Variants in DPP6 observed in about 807,000 individuals in gnomAD.
DPP6 encodes the protein A-type potassium channel modulatory protein DPP6.
DPP6 carries 69 observed loss-of-function variants against 122.6 expected under a neutral mutation model. The observed-to-expected ratio is 0.56, with a 90% CI of 0.46 to 0.69. The LOEUF (loss-of-function observed/expected upper bound fraction) is 0.69. Ranked by LOEUF, DPP6 falls within the 30% of genes least tolerant of loss-of-function variation. The probability of loss-of-function intolerance (pLI) is 0.00; values close to 1 mark genes in which losing one functional copy is unlikely to be tolerated. For missense variants in DPP6, 928 were observed against 1,116.9 expected (o/e 0.83, Z 2.41); for synonymous variants, 418 against 433.1 (o/e 0.97, Z 0.43).
rs575450434 is a variant in DPP6 at position 154,260,347 on chromosome 7, A to G, written c.244-185867A>G. Among the ~76,000 whole-genome samples the G allele has an allele frequency of 3.9e-5, 6 of 152,298 alleles. No individual in the cohort carries two copies. The East Asian group carries it at 1.2e-3, about 29-fold the overall frequency. ...GGAACAGGTAGTGGTTGGTTACACA[A>G]GTAAGTTCTTTAGTGGTTATTCGTG... On this transcript the variant is annotated intron_variant, in intron 1 of 25. Transcript: ENST00000377770.
chr7:153,954,620 G>A (rs7810288), intron 1 of DPP6, among the ~76,000 whole-genome samples: 51,245 of 152,008 alleles, frequency 0.34, 9,131 homozygotes, highest in East Asian at 0.6. Flanking sequence ...ATTTACATCA[G>A]TGAACTTCAA....
chr7:154,355,439 A>G (rs1811197252), intron 1 of DPP6, among the ~76,000 whole-genome samples: 1 of 152,196 alleles, frequency 6.6e-6, no homozygotes, highest in African/African-American at 2.4e-5. Context: ...TGAAATATCT[A>G]GTGTTATTCA....
intron 8 of DPP6, among the ~76,000 whole-genome samples, chr7:154,746,032 T>G (rs1843022147): frequency 1.3e-5 from 2 of 152,162 alleles, no homozygotes; most frequent in African/African-American, 4.8e-5. Flanking sequence ...GTTATGAATA[T>G]TGTTGGTCCT....
chr7:154,220,321 T>C (rs141193965), intron 1 of DPP6, among the ~76,000 whole-genome samples: 1 of 152,102 alleles, frequency 6.6e-6, no homozygotes, highest in Non-Finnish European at 1.5e-5. Flanking sequence ...CTAATGAACA[T>C]AGGAACATAA....
At chr7:154,061,766 CCCCATCGCAGGGAGGGAGGCA>C (rs1801961145) in intron 1 of DPP6, among the ~76,000 whole-genome samples, 1 of 107,670 alleles carries the variant, frequency 9.3e-6, no homozygotes, top group African/African-American at 3.6e-5. Flanking sequence ...CTCTTTGCAC[CCCCATCGCAGGGAGGGAGGCA>C]CCCCTCGCGA....
chr7:154,675,919 A>G (rs1302440211), intron 7 of DPP6, among the ~76,000 whole-genome samples: 1 of 152,204 alleles, frequency 6.6e-6, no homozygotes, highest in African/African-American at 2.4e-5. Context: ...TAACAAAGTG[A>G]TGCCCCTGAA....
chr7:153,905,046 A>G (rs1354705123), intron 1 of DPP6, among the ~76,000 whole-genome samples: 1 of 152,252 alleles, frequency 6.6e-6, no homozygotes, highest in Non-Finnish European at 1.5e-5. Flanking sequence ...AAGCCCAGTA[A>G]GATCTGCCCA....
intron 6 of DPP6, among the ~76,000 whole-genome samples, chr7:154,645,516 C>G (rs1836407564): frequency 6.6e-6 from 1 of 152,106 alleles, no homozygotes; most frequent in Non-Finnish European, 1.5e-5. Context: ...TTCTAGTAAC[C>G]ATCACCAAAA....
intron 1 of DPP6, among the ~76,000 whole-genome samples, chr7:154,113,394 C>CATATATATATATATATAT (rs143477890): frequency 6.1e-4 from 84 of 137,442 alleles, no homozygotes; most frequent in Middle Eastern, 3.8e-3. Context: ...TGTTTTCCTA[C>CATATATATATATATATAT]ATATATATAT....
intron 1 of DPP6, chr7:153,968,832 A>T (rs945483371): frequency 6.6e-6 from 1 of 151,784 alleles, no homozygotes; most frequent in African/African-American, 2.4e-5. Context: ...CGCAACTATC[A>T]TTCCATATAA....
intron 5 of DPP6, among the ~76,000 whole-genome samples, chr7:154,631,828 C>T (rs1284603332): frequency 6.6e-6 from 1 of 152,124 alleles, no homozygotes; most frequent in African/African-American, 2.4e-5. Flanking sequence ...ATGTAAGGCA[C>T]AGTGGAGAAG....
chr7:153,974,928 A>G (rs1796216187), intron 1 of DPP6, among the ~76,000 whole-genome samples: 1 of 152,222 alleles, frequency 6.6e-6, no homozygotes, highest in Non-Finnish European at 1.5e-5. Context: ...CTGGCTGGAA[A>G]TGAAGCTAAT....
chr7:154,033,620 T>C (rs1396825950), intron 1 of DPP6, among the ~76,000 whole-genome samples: 2 of 152,262 alleles, frequency 1.3e-5, no homozygotes, highest in Admixed American at 6.5e-5. Context: ...CTAGAGTCCC[T>C]TCGTCTCTGT....
chr7:154,665,157 GT>G (rs925570416), intron 6 of DPP6, among the ~76,000 whole-genome samples: 37 of 152,222 alleles, frequency 2.4e-4, no homozygotes, highest in African/African-American at 8.9e-4. Context: ...TTTTCCCAGT[GT>G]TTTCTCATGA....
At chr7:154,086,055 T>A (rs376605140) in intron 1 of DPP6, among the ~76,000 whole-genome samples, 4 of 152,028 alleles carry the variant, frequency 2.6e-5, no homozygotes, top group African/African-American at 9.7e-5. Flanking sequence ...AATCAAAATA[T>A]AGACCTTTGA....
In DPP6 at chr7:154,665,139, A is replaced by G. The variant is rs143706689; in HGVS notation, c.681-4221A>G. ...GTCAGTTATGTTGTAGTGTCCCTCA[A>G]TTTGGGTTTTTCCCAGTGTTTTCTC... On this transcript the variant is annotated intron_variant, in intron 6 of 25. Coordinates refer to ENST00000377770, the MANE Select transcript of DPP6 (RefSeq NM_130797.4). 4.2e-3 allele frequency among the ~76,000 whole-genome samples: 635 copies of G among 152,192 alleles called. 2 individuals are homozygous for G. The highest frequency in any genetic ancestry group is 0.02 in the Middle Eastern group (6 of 294).
At chr7:153,871,033 G>A in the DPP6 span, among the ~76,000 whole-genome samples, 4 of 152,134 alleles carry the variant, frequency 2.6e-5, no homozygotes, top group Non-Finnish European at 5.9e-5. Context: ...AGGAGTACCC[G>A]GCCGTGTGAG....
At chr7:153,825,335 C>G in the DPP6 span, among the ~76,000 whole-genome samples, 1 of 152,110 alleles carries the variant, frequency 6.6e-6, no homozygotes, top group African/African-American at 2.4e-5. Flanking sequence ...GATAGACGTA[C>G]TGCTTGCTCC....
intron 5 of DPP6, among the ~76,000 whole-genome samples, chr7:154,621,699 ATT>A (rs528639126): frequency 4.9e-4 from 74 of 152,112 alleles, no homozygotes; most frequent in South Asian, 1.9e-3. Context: ...CTAGGCCGTA[ATT>A]TTTTCTCTTC....
Sources: gnomAD v4.1 joint callset for allele counts (sites outside exome capture counted in the v4.1 genomes callset) on GRCh38, gnomAD v4.1.1 for gene constraint, MANE v1.5 for transcripts, NCBI Gene and HGNC (gene_info 2026-07-23, HGNC 2026-07-21) for gene names.